Variants in SIK3 observed in about 807,000 individuals in gnomAD.
SIK3 encodes serine/threonine-protein kinase SIK3.
In SIK3, 28 loss-of-function variants were observed where a neutral mutation model predicts 144.2. The observed-to-expected ratio is 0.19, with a 90% CI of 0.14 to 0.27. SIK3 has a LOEUF of 0.27. Ranked by LOEUF, SIK3 falls within the 10% of genes least tolerant of loss-of-function variation. The pLI is 1.00. For missense variants in SIK3, 1,319 were observed against 1,776.0 expected, an observed-to-expected ratio of 0.74 and a Z score of 4.62; for synonymous variants, 686 against 676.3, an observed-to-expected ratio of 1.01 and a Z score of -0.22.
At chr11:116,907,171 G>C (rs765775356) in intron 4 of SIK3, among the ~76,000 whole-genome samples, 1 of 152,190 alleles carries the variant, frequency 6.6e-6, no homozygotes, top group East Asian at 1.9e-4. Context: ...TTTTATGCCT[G>C]AGACGTGAGG....
intron 1 of SIK3, among the ~76,000 whole-genome samples, chr11:117,058,269 C>A (rs1953631593): frequency 2.6e-5 from 4 of 152,100 alleles, no homozygotes; most frequent in African/African-American, 7.2e-5. Context: ...CACCTGTAAT[C>A]CCAGCACTTT....
chr11:116,985,227 G>A (rs1209840759), intron 1 of SIK3, among the ~76,000 whole-genome samples: 1 of 152,142 alleles, frequency 6.6e-6, no homozygotes, highest in Non-Finnish European at 1.5e-5. Flanking sequence ...GTCAAACCTA[G>A]AAGAGGGAAC....
chr11:116,969,289 CAAAAAAAAAA>C (rs60102923), intron 1 of SIK3, among the ~76,000 whole-genome samples: 2 of 73,574 alleles, frequency 2.7e-5, no homozygotes, highest in Non-Finnish European at 5.0e-5. Context: ...GACTCCGTCT[CAAAAAAAAAA>C]AAAAAAAAAA....
chr11:116,998,021 T>C lies in SIK3; in HGVS notation c.274-40957A>G, dbSNP rs1006013197. ...ACTACAGGTGCACACCACCCAGTAA[T>C]TCTTTTTATTTTTATAAAGACAGGG... On this transcript the variant is annotated intron_variant, in intron 1 of 24. Transcript: ENST00000445177. Among the ~76,000 whole-genome samples, 5 of 151,950 alleles carry C rather than the reference T, an allele frequency of 3.3e-5. 1 individual carries two copies. Among genetic ancestry groups the C allele is most frequent in the African/African-American group, 9.7e-5 (4 of 41,354 alleles).
At chr11:116,873,266 T>A (rs1472151998) in intron 13 of SIK3, among the ~76,000 whole-genome samples, 1 of 151,778 alleles carries the variant, frequency 6.6e-6, no homozygotes, top group Non-Finnish European at 1.5e-5. Flanking sequence ...AGGAGTGGAG[T>A]TCAATGTAGA....
chr11:116,929,162 C>T (rs962287259), intron 3 of SIK3, among the ~76,000 whole-genome samples: 3 of 152,110 alleles, frequency 2.0e-5, no homozygotes, highest in Non-Finnish European at 4.4e-5. Context: ...TTTTAAGAGG[C>T]CATTTTCTAA....
At chr11:117,017,771 A>T (rs1951599861) in intron 1 of SIK3, among the ~76,000 whole-genome samples, 1 of 152,170 alleles carries the variant, frequency 6.6e-6, no homozygotes, top group South Asian at 2.1e-4. Flanking sequence ...GAACAAATTA[A>T]TCTCTATAAA....
intron 1 of SIK3, among the ~76,000 whole-genome samples, chr11:117,045,466 T>C (rs1319485926): frequency 6.6e-6 from 1 of 152,172 alleles, no homozygotes; most frequent in East Asian, 1.9e-4. Flanking sequence ...TCCGTTGGTT[T>C]CCACCTCTGA....
chr11:116,881,161 A>T (rs921691679), intron 6 of SIK3, among the ~76,000 whole-genome samples: 4 of 152,024 alleles, frequency 2.6e-5, no homozygotes, highest in East Asian at 1.9e-4. Context: ...AATAAATAAA[A>T]AATAAAAGGG....
chr11:116,966,561 T>C (rs371616205), intron 1 of SIK3, among the ~76,000 whole-genome samples: 51 of 152,328 alleles, frequency 3.3e-4, no homozygotes, highest in African/African-American at 1.1e-3. Flanking sequence ...TGCTTATGCA[T>C]AGAATTTTCC....
chr11:116,973,246 A>G (rs979317980), intron 1 of SIK3, among the ~76,000 whole-genome samples: 7 of 152,222 alleles, frequency 4.6e-5, no homozygotes, highest in African/African-American at 1.7e-4. Flanking sequence ...AGGTTGCTAC[A>G]TAGTAATAGA....
chr11:116,849,427 T>C lies in SIK3; in HGVS notation c.3656-144A>G. On this transcript the variant is annotated intron_variant, in intron 21 of 24. Transcript: ENST00000445177. This position sits in a 1 kb window ranked among gnomAD's most constrained non-coding sequence, Gnocchi z 4.2. ...AACCGCTGATCCTCAGCCGGCGTCA[T>C]GGCTTAGAGGAGCCTGGACCAGCCC... 3.9e-6 allele frequency: 4 copies of C among 1,032,102 alleles called. No individual in the cohort carries two copies. Among genetic ancestry groups the C allele is most frequent in the Non-Finnish European group, 5.6e-6 (4 of 711,592 alleles). 63.9% of individuals were successfully genotyped at this position (1,032,102 alleles called of 1,614,324 possible).
chr11:117,017,223 C>G (rs939822184), intron 1 of SIK3, among the ~76,000 whole-genome samples: 1 of 152,112 alleles, frequency 6.6e-6, no homozygotes, highest in African/African-American at 2.4e-5. Flanking sequence ...TGCCACTGCA[C>G]TCCAGGGTGA....
chr11:116,951,326 A>G (rs541728583), intron 3 of SIK3, among the ~76,000 whole-genome samples: 28 of 152,262 alleles, frequency 1.8e-4, no homozygotes, highest in Admixed American at 1.4e-3. Context: ...TGCAGTCTCA[A>G]TAATTTCTTT....
At chr11:117,019,515 A>G (rs1052409052) in intron 1 of SIK3, among the ~76,000 whole-genome samples, 1 of 152,216 alleles carries the variant, frequency 6.6e-6, no homozygotes, top group African/African-American at 2.4e-5. Flanking sequence ...GTAAATTTTA[A>G]AAGTAAAAGT....
intron 4 of SIK3, among the ~76,000 whole-genome samples, chr11:116,912,375 G>A (rs1946394594): frequency 6.6e-6 from 1 of 152,188 alleles, no homozygotes; most frequent in Non-Finnish European, 1.5e-5. Context: ...AAAACGGGCG[G>A]CATTAATTTA....
At chr11:116,857,678 CAAGAAGG>C in intron 21 of SIK3, 125 bp downstream of exon 21, 1 of 1,431,866 alleles carries the variant, frequency 7.0e-7, no homozygotes, top group Non-Finnish European at 9.2e-7. Context: ...TGCTTCTCCC[CAAGAAGG>C]TCGTGAAGCT....
intron 3 of SIK3, among the ~76,000 whole-genome samples, chr11:116,932,077 C>A (rs530892700): frequency 3.3e-5 from 5 of 152,166 alleles, no homozygotes; most frequent in Admixed American, 2.6e-4. Flanking sequence ...ACCCTGCATC[C>A]TATCCATCAG....
chr11:116,970,576 C>A (rs1440039251), intron 1 of SIK3, among the ~76,000 whole-genome samples: 1 of 152,002 alleles, frequency 6.6e-6, no homozygotes, highest in East Asian at 1.9e-4. Context: ...TCTCAAACTC[C>A]CGGGCTCAAG....
Sources: gnomAD v4.1 joint callset for allele counts (sites outside exome capture counted in the v4.1 genomes callset) on GRCh38, gnomAD v4.1.1 for gene constraint, Gnocchi (gnomAD v3.1) non-coding constraint, MANE v1.5 for transcripts, NCBI Gene and HGNC (gene_info 2026-07-23, HGNC 2026-07-21) for gene names.